Variants in CTSC observed in about 807,000 individuals in gnomAD.
CTSC encodes cathepsin C.
CTSC carries 37 observed loss-of-function variants against 40.9 expected under a neutral mutation model. The observed-to-expected ratio is 0.91, with a 90% CI of 0.70 to 1.19. The LOEUF (loss-of-function observed/expected upper bound fraction) is 1.19. CTSC is among the 50% of genes most tolerant of loss of function. The pLI, the probability that CTSC is intolerant of heterozygous loss-of-function variation, is 0.00. For missense variants in CTSC, 594 were observed against 567.3 expected (o/e 1.05, Z -0.48); for synonymous variants, 232 against 207.4 (o/e 1.12, Z -1.02).
intron 4 of CTSC, among the ~76,000 whole-genome samples, chr11:88,305,941 C>T (rs1312593817): frequency 6.6e-6 from 1 of 152,196 alleles, no homozygotes; most frequent in Non-Finnish European, 1.5e-5. Flanking sequence ...GGCTCAAGTG[C>T]TAACACTCCT....
intron 2 of CTSC, among the ~76,000 whole-genome samples, chr11:88,331,262 C>G (rs1213262055): frequency 6.6e-6 from 1 of 152,130 alleles, no homozygotes. Flanking sequence ...GCTTAGTCCC[C>G]AAGACTGCCT....
At position 88,337,482 on chromosome 11, in the gene CTSC, T is replaced by G. The variant is rs550626248; in HGVS notation, c.172+19A>C. ...GGGCAGAAAGGACGACCCGGAGGAC[T>G]GCCGAGCCGGCGGCTTACCCATAAC... is the stretch of plus-strand genomic sequence containing the variant. On this transcript the variant is annotated intron_variant, in intron 1 of 6. Transcript: ENST00000227266. The G allele has an allele frequency of 3.5e-5, 54 of 1,560,688 alleles. No individual in the cohort carries two copies. Among genetic ancestry groups the G allele is most frequent in the South Asian group, 2.6e-4 (22 of 84,966 alleles).
At chr11:88,302,854 G>C (rs1385305630) in intron 4 of CTSC, among the ~76,000 whole-genome samples, 1 of 152,050 alleles carries the variant, frequency 6.6e-6, no homozygotes, top group East Asian at 1.9e-4. Context: ...TTAACAATAT[G>C]GAAGACAATG....
intron 3 of CTSC, among the ~76,000 whole-genome samples, chr11:88,310,847 C>A (rs1021888983): frequency 6.6e-6 from 1 of 152,154 alleles, no homozygotes; most frequent in Non-Finnish European, 1.5e-5. Flanking sequence ...TATTTTCCCA[C>A]AACGCCAGTC....
Position 88,294,486 on chromosome 11 carries a change from G to A in CTSC, c.912C>T (p.Tyr304=). The change falls in exon 7 of 7, where the codon TAC becomes TAT. Residue 304 remains tyrosine (Y), a synonymous_variant. Transcript: ENST00000227266. ...CTTGGGCGTACTTTCCTGCAATAAGGTATGGGAAGCCGCCTTCACAGCCTG... is the reference window on the plus strand; with the variant it reads ...CTTGGGCGTACTTTCCTGCAATAAGATATGGGAAGCCGCCTTCACAGCCTG... ...YAQGCEGGFP[Y]LIAGKYAQDF... The A allele has an allele frequency of 1.2e-6, 2 of 1,614,144 alleles. No individual in the cohort carries two copies. Among genetic ancestry groups the A allele is most frequent in the Non-Finnish European group, 1.7e-6 (2 of 1,180,018 alleles).
intron 2 of CTSC, among the ~76,000 whole-genome samples, chr11:88,320,165 G>A (rs1034084249): frequency 3.9e-5 from 6 of 152,152 alleles, no homozygotes; most frequent in African/African-American, 1.4e-4. Flanking sequence ...ATGCAAAACT[G>A]CCAGGAAATA....
At chr11:88,335,119 T>G (rs777859977) in intron 1 of CTSC, 37 bp from the exon 2 acceptor site, 21 of 1,377,994 alleles carry the variant, frequency 1.5e-5, no homozygotes, top group African/African-American at 2.9e-5. Flanking sequence ...AAAGGAAAAT[T>G]ATTTGGATTT....
At chr11:88,306,785 G>C (rs972995942) in intron 4 of CTSC, among the ~76,000 whole-genome samples, 5 of 152,322 alleles carry the variant, frequency 3.3e-5, no homozygotes, top group African/African-American at 1.2e-4. Context: ...CCCTGCCCTT[G>C]CAATAAGGCA....
intron 4 of CTSC, 34 bp from the exon 5 acceptor site, chr11:88,300,679 T>C (rs776346512): frequency 1.6e-6 from 2 of 1,245,670 alleles, no homozygotes; most frequent in Non-Finnish European, 2.4e-6. Flanking sequence ...TATCAACATA[T>C]AATCTTTCCT....
At chr11:88,332,378 G>A (rs925087577) in intron 2 of CTSC, among the ~76,000 whole-genome samples, 4 of 152,034 alleles carry the variant, frequency 2.6e-5, no homozygotes, top group African/African-American at 4.8e-5. Flanking sequence ...TTTCAAGCAC[G>A]GTTTCCCCAG....
intron 2 of CTSC, chr11:88,326,369 T>A (rs767655211): frequency 1.2e-6 from 2 of 1,611,754 alleles, no homozygotes; most frequent in South Asian, 2.2e-5. Flanking sequence ...CGCAGGCTGC[T>A]CTGTCTCTTA....
chr11:88,337,589 G>A lies in CTSC; in HGVS notation c.84C>T (p.Ala28=). 2 of 1,579,052 alleles carry A rather than the reference G, an allele frequency of 1.3e-6. No individual in the cohort carries two copies. Among genetic ancestry groups the A allele is most frequent in the Non-Finnish European group, 1.7e-6 (2 of 1,161,806 alleles). Residue 28 remains alanine, a synonymous_variant, in exon 1 of 7, where the codon GCC becomes GCT. Transcript: ENST00000227266. Reference sequence around the variant, plus strand: ...CCAGCAGGTCAAGATAGGTGCAGTTGGCAGGTGTGTCGCAGCGCACGGCGC... The same window carrying A: ...CCAGCAGGTCAAGATAGGTGCAGTTAGCAGGTGTGTCGCAGCGCACGGCGC... ...GDGAVRCDTP[A]NCTYLDLLGT... is the part of the protein sequence containing the mutation.
intron 5 of CTSC, 151 bp from the exon 6 acceptor site, chr11:88,296,415 CA>C: frequency 1.1e-6 from 1 of 915,782 alleles, no homozygotes; most frequent in Non-Finnish European, 1.7e-6. Flanking sequence ...AACTAACAAG[CA>C]TTGTTGAGCT....
chr11:88,327,471 A>G (rs1222609531), intron 2 of CTSC, among the ~76,000 whole-genome samples: 2 of 152,212 alleles, frequency 1.3e-5, no homozygotes, highest in Non-Finnish European at 2.9e-5. Context: ...CTATTTCTTC[A>G]TCAACATTTT....
At position 88,334,965 on chromosome 11, in the gene CTSC, T is replaced by C. The variant is rs761685439; in HGVS notation, c.290A>G (p.Asn97Ser). ...IYNQGFEIVL[N>S]DYKWFAFFKY... ...AAAAAAGGCAAACCACTTGTAGTCA[T>C]TCAACACAATCTCAAAGCCTTGGTT... The change falls in exon 2 of 7, where the codon AAT (asparagine) becomes AGT (serine). Residue 97 changes from asparagine (N) to serine (S), a missense_variant. Asn to Ser is a conservative substitution (Grantham distance 46). Coordinates refer to ENST00000227266, the MANE Select transcript of CTSC (RefSeq NM_001814.6). The C allele has an allele frequency of 3.1e-6, 5 of 1,613,048 alleles. No individual in the cohort carries two copies. The highest frequency in any genetic ancestry group is 2.5e-6 in the Non-Finnish European group (3 of 1,179,134).
intron 1 of CTSC, among the ~76,000 whole-genome samples, chr11:88,336,463 C>CG: frequency 6.7e-6 from 1 of 149,784 alleles, no homozygotes; most frequent in Non-Finnish European, 1.5e-5. Flanking sequence ...CGCTTAAACC[C>CG]GGGAGGCGGA....
chr11:88,325,126 A>G (rs1479112680), intron 2 of CTSC: 7 of 985,248 alleles, frequency 7.1e-6, no homozygotes, highest in African/African-American at 1.7e-5. Flanking sequence ...AGGAAACAAG[A>G]CCATTATTCG....
chr11:88,335,088 G>GAAAA lies in CTSC; in HGVS notation c.173-10_173-7dup. On this transcript the variant is annotated splice_polypyrimidine_tract_variant and splice_region_variant and intron_variant, in intron 1 of 6. Transcript: ENST00000227266. The stretch of plus-strand genomic sequence containing the variant: ...TACTTTTTTTTCTTGTGGTCCTAAA[G>GAAAA]AAAAAAAAAAAAAGCACAATAAAGG... 3 of 1,227,498 alleles carry GAAAA rather than the reference G, an allele frequency of 2.4e-6. No individual in the cohort carries two copies. The highest frequency in any genetic ancestry group is 3.4e-6 in the Non-Finnish European group (3 of 883,104). 76.0% of individuals were successfully genotyped at this position (1,227,498 alleles called of 1,614,324 possible). A position where few individuals can be genotyped will look rare whatever the true frequency, so the allele number is the denominator to read the frequency against.
In CTSC at chr11:88,302,487, G is replaced by T. The variant is rs544153051; in HGVS notation, c.642-1842C>A. Among the ~76,000 whole-genome samples the T allele has an allele frequency of 3.9e-5, 6 of 151,900 alleles. No homozygotes were observed. The South Asian group carries it at 8.3e-4, about 21-fold the overall frequency. ...AAATACAAAAAAAAATTAGCTGGGC[G>T]TGGTGGCGGGTGCCTGTAGTCCCAG... On this transcript the variant is annotated intron_variant, in intron 4 of 6. Transcript: ENST00000227266.
Sources: gnomAD v4.1 joint callset for allele counts (sites outside exome capture counted in the v4.1 genomes callset) on GRCh38, gnomAD v4.1.1 for gene constraint, MANE v1.5 for transcripts, NCBI Gene and HGNC (gene_info 2026-07-23, HGNC 2026-07-21) for gene names.